Variants in AUTS2 observed in about 807,000 individuals in gnomAD.
The protein encoded by AUTS2 is autism susceptibility gene 2 protein.
A neutral mutation model predicts 112.4 loss-of-function variants in AUTS2; 17 were observed. The observed-to-expected ratio is 0.15, with a 90% CI of 0.10 to 0.23. The LOEUF is 0.23. AUTS2 is among the 10% of genes least tolerant of loss of function. AUTS2 has a pLI of 1.00. For missense variants in AUTS2, 1,510 were observed against 1,701.6 expected, an observed-to-expected ratio of 0.89 and a Z score of 1.98; for synonymous variants, 751 against 702.7, an observed-to-expected ratio of 1.07 and a Z score of -1.09.
chr7:70,110,186 A>G (rs1804993248), intron 2 of AUTS2, among the ~76,000 whole-genome samples: 3 of 152,162 alleles, frequency 2.0e-5, no homozygotes, highest in Non-Finnish European at 4.4e-5. Context: ...GTTTGAGACT[A>G]TATAGTTAGA....
At chr7:70,716,844 A>G (rs935528129) in intron 6 of AUTS2, among the ~76,000 whole-genome samples, 1 of 152,014 alleles carries the variant, frequency 6.6e-6, no homozygotes. Flanking sequence ...ACTTCGTTTT[A>G]TGGGAGATTT....
At chr7:69,695,660 C>G (rs927393916) in intron 1 of AUTS2, among the ~76,000 whole-genome samples, 1 of 152,000 alleles carries the variant, frequency 6.6e-6, no homozygotes, top group African/African-American at 2.4e-5. Flanking sequence ...CATTAATAGG[C>G]TTGATGTTGT....
At chr7:70,456,041 C>T (rs1796725838) in intron 5 of AUTS2, among the ~76,000 whole-genome samples, 1 of 152,172 alleles carries the variant, frequency 6.6e-6, no homozygotes, top group Non-Finnish European at 1.5e-5. Flanking sequence ...TAATACCTGC[C>T]TCACAGGATT....
intron 5 of AUTS2, among the ~76,000 whole-genome samples, chr7:70,555,309 T>A (rs1157173894): frequency 6.6e-6 from 1 of 152,014 alleles, no homozygotes; most frequent in East Asian, 1.9e-4. Context: ...AAGATAAAAT[T>A]TGAAAAAAGG....
intron 4 of AUTS2, among the ~76,000 whole-genome samples, chr7:70,172,896 C>T (rs180982957): frequency 6.6e-6 from 1 of 152,282 alleles, no homozygotes; most frequent in East Asian, 1.9e-4. Flanking sequence ...AACTTTTCTC[C>T]AAACCTTCAA....
In AUTS2 at chr7:70,649,323, G is replaced by A. The variant is rs139856710; in HGVS notation, c.691-49246G>A. Among the ~76,000 whole-genome samples the A allele has an allele frequency of 2.0e-3, 297 of 152,246 alleles. 8 individuals carry two copies. The East Asian group carries it at 0.049, about 25-fold the overall frequency. On this transcript the variant is annotated intron_variant, in intron 5 of 18. Transcript: ENST00000342771. ...TTTGAGGTGGAAGGATTACTGGACCGCAGGAGGTGGAGGTGGCAATGAGCC... is the reference window on the plus strand; with the variant it reads ...TTTGAGGTGGAAGGATTACTGGACCACAGGAGGTGGAGGTGGCAATGAGCC...
rs544755440 is a variant in AUTS2, at chr7:70,631,701, A to G, written c.691-66868A>G. 5.3e-5 allele frequency among the ~76,000 whole-genome samples: 8 copies of G among 152,284 alleles called. No homozygotes were observed. The South Asian group carries it at 1.7e-3, about 32-fold the overall frequency. On this transcript the variant is annotated intron_variant, in intron 5 of 18. Coordinates refer to ENST00000342771, the MANE Select transcript of AUTS2 (RefSeq NM_015570.4). This position sits in a 1 kb window ranked among gnomAD's most constrained non-coding sequence, Gnocchi z 4.5. ...TACAGTCAGCACCATTTATAGCCCC[A>G]TGTCCCCAACCTTAGCCTTTGCACG...
intron 1 of AUTS2, among the ~76,000 whole-genome samples, chr7:69,814,748 T>G (rs942976420): frequency 6.6e-6 from 1 of 152,188 alleles, no homozygotes; most frequent in African/African-American, 2.4e-5. Context: ...TGCCCAGCGG[T>G]ATGGGCGAAT....
chr7:70,561,337 T>C (rs969474788), intron 5 of AUTS2, among the ~76,000 whole-genome samples: 2 of 152,140 alleles, frequency 1.3e-5, no homozygotes, highest in African/African-American at 4.8e-5. Flanking sequence ...AGCCATAGGG[T>C]AGCCATAGGG....
chr7:70,591,957 C>T (rs1802968494), intron 5 of AUTS2, among the ~76,000 whole-genome samples: 2 of 152,096 alleles, frequency 1.3e-5, no homozygotes, highest in Admixed American at 1.3e-4. Context: ...CATGGCTGAG[C>T]CTTCAATAGA....
In AUTS2 at chr7:70,790,573, G is replaced by A. The variant is rs1791861040; in HGVS notation, c.3357G>A (p.Arg1119=). The A allele has an allele frequency of 6.2e-7, 1 of 1,602,274 alleles. No individual in the cohort carries two copies. Among genetic ancestry groups the A allele is most frequent in the Non-Finnish European group, 8.5e-7 (1 of 1,175,170 alleles). Residue 1119 remains arginine, a synonymous_variant, in exon 19 of 19, where the codon CGG becomes CGA. Coordinates refer to ENST00000342771, the MANE Select transcript of AUTS2 (RefSeq NM_015570.4). The surrounding 1 kb of genome is among the most constrained non-coding windows in gnomAD (Gnocchi z 7.6). The stretch of plus-strand genomic sequence containing the variant: ...AAGCCGACCGCTCCTTCAGGGACCG[G>A]GAGCCTCACGACTACAGCCACCACC... ...LYEADRSFRD[R]EPHDYSHHHH... is the part of the protein sequence containing the mutation.
intron 1 of AUTS2, among the ~76,000 whole-genome samples, chr7:69,702,985 A>G (rs894533796): frequency 3.3e-5 from 5 of 152,194 alleles, no homozygotes; most frequent in Non-Finnish European, 5.9e-5. Flanking sequence ...GTTTACAAGT[A>G]ACTATTAGGT....
chr7:69,793,383 C>G (rs779313606), intron 1 of AUTS2, among the ~76,000 whole-genome samples: 1 of 152,200 alleles, frequency 6.6e-6, no homozygotes, highest in Non-Finnish European at 1.5e-5. Flanking sequence ...TTTAAGGGGC[C>G]TGGGACAGAT....
At chr7:70,023,552 A>G (rs1308351679) in intron 2 of AUTS2, among the ~76,000 whole-genome samples, 1 of 152,206 alleles carries the variant, frequency 6.6e-6, no homozygotes, top group Non-Finnish European at 1.5e-5. Flanking sequence ...TCATCTGTAA[A>G]GTGAGGATAA....
Position 70,118,151 on chromosome 7 carries a change from G to A in AUTS2, c.542G>A (p.Ser181Asn). 6.2e-7 allele frequency: 1 copy of A among 1,608,768 alleles called. No individual in the cohort carries two copies. ...CTTTAGCTCAAGCCAGGACAGAACA[G>A]CTGCAGGGACAGTGACAGTGAAAGT... is the stretch of plus-strand genomic sequence containing the variant. ...ALRQLKPGQNSCRDSDSESAS... is the reference protein window; with the variant it reads ...ALRQLKPGQNNCRDSDSESAS... The change falls in exon 3 of 19, where the codon AGC becomes AAC. Residue 181 changes from serine to asparagine, a missense_variant. Coordinates refer to ENST00000342771, the MANE Select transcript of AUTS2 (RefSeq NM_015570.4).
At chr7:70,742,439 T>G (rs768946185) in intron 6 of AUTS2, among the ~76,000 whole-genome samples, 6 of 152,212 alleles carry the variant, frequency 3.9e-5, no homozygotes, top group Non-Finnish European at 8.8e-5. Context: ...AGGAGAAACT[T>G]GTATTTCACC....
chr7:70,634,411 A>G (rs1805429901), intron 5 of AUTS2, among the ~76,000 whole-genome samples: 1 of 152,154 alleles, frequency 6.6e-6, no homozygotes, highest in Non-Finnish European at 1.5e-5. Context: ...CTTTCCAGCG[A>G]TCCACCTTTC....
intron 2 of AUTS2, among the ~76,000 whole-genome samples, chr7:69,958,304 A>G (rs1428972248): frequency 6.6e-6 from 1 of 152,138 alleles, no homozygotes; most frequent in Non-Finnish European, 1.5e-5. Context: ...CAGAGACTGT[A>G]TGGCCTGCAA....
At chr7:70,088,530 T>C (rs993164350) in intron 2 of AUTS2, among the ~76,000 whole-genome samples, 3 of 148,568 alleles carry the variant, frequency 2.0e-5, no homozygotes, top group Non-Finnish European at 3.0e-5. Context: ...TTGCTCTCTT[T>C]TTTTTTTTTT....
Sources: gnomAD v4.1 joint callset for allele counts (sites outside exome capture counted in the v4.1 genomes callset) on GRCh38, gnomAD v4.1.1 for gene constraint, Gnocchi (gnomAD v3.1) non-coding constraint, MANE v1.5 for transcripts, NCBI Gene and HGNC (gene_info 2026-07-23, HGNC 2026-07-21) for gene names.